Variants in DPP6 observed in about 807,000 individuals in gnomAD.
The protein encoded by DPP6 is A-type potassium channel modulatory protein DPP6.
In DPP6, 69 loss-of-function variants were observed where a neutral mutation model predicts 122.6. The observed-to-expected ratio is 0.56, with a 90% confidence interval of 0.46 to 0.69. The LOEUF (loss-of-function observed/expected upper bound fraction) is 0.69. Ranked by LOEUF, DPP6 falls within the 30% of genes least tolerant of loss-of-function variation. The pLI, the probability that DPP6 is intolerant of heterozygous loss-of-function variation, is 0.00. For synonymous variants in DPP6, 418 were observed against 433.1 expected, an observed-to-expected ratio of 0.97 and a Z score of 0.43; for missense variants, 928 against 1,116.9, an observed-to-expected ratio of 0.83 and a Z score of 2.41.
Position 154,892,661 on chromosome 7 carries a change from A to G in DPP6, c.*181A>G. On this transcript the variant is annotated 3_prime_UTR_variant, in exon 26 of 26. Transcript: ENST00000377770. ...GGAAACAAGCTCCTTCCCCGGGGTC[A>G]TCACTCACGGCCTCCATGGCACCAG... 1.6e-6 allele frequency: 2 copies of G among 1,276,992 alleles called. No individual in the cohort carries two copies. The highest frequency in any genetic ancestry group is 1.2e-5 in the South Asian group (1 of 80,324). 79.1% of individuals were successfully genotyped at this position (1,276,992 alleles called of 1,614,324 possible). A position where few individuals can be genotyped will look rare whatever the true frequency, so the allele number is the denominator to read the frequency against.
chr7:153,864,672 TACACACACAC>T, the DPP6 span, among the ~76,000 whole-genome samples: 10,604 of 135,180 alleles, frequency 0.078, 526 homozygotes, highest in East Asian at 0.25. Context: ...ATAATAATAA[TACACACACAC>T]ACACACACAC....
intron 1 of DPP6, among the ~76,000 whole-genome samples, chr7:154,313,712 T>TATATATATTATATATATATATATATACGC (rs1554515587): frequency 4.0e-5 from 1 of 24,914 alleles, no homozygotes; most frequent in South Asian, 2.4e-3. Context: ...TATATATATA[T>TATATATATTATATATATATATATATACGC]ATACACACAC....
chr7:154,529,986 C>T (rs889156255), intron 3 of DPP6, among the ~76,000 whole-genome samples: 8 of 152,016 alleles, frequency 5.3e-5, no homozygotes, highest in African/African-American at 9.6e-5. Flanking sequence ...ATTAGCTGGG[C>T]GTGGTGGCAC....
At chr7:154,564,686 T>G (rs181726071) in intron 4 of DPP6, among the ~76,000 whole-genome samples, 2 of 152,240 alleles carry the variant, frequency 1.3e-5, no homozygotes, top group African/African-American at 4.8e-5. Flanking sequence ...TAGAAATGCT[T>G]ATAATCTATC....
At chr7:154,295,921 T>C (rs1336281002) in intron 1 of DPP6, among the ~76,000 whole-genome samples, 1 of 151,002 alleles carries the variant, frequency 6.6e-6, no homozygotes, top group East Asian at 2.0e-4. Context: ...CTTATTGCTC[T>C]GTGTATGCAT....
intron 1 of DPP6, among the ~76,000 whole-genome samples, chr7:154,272,378 A>G (rs998575897): frequency 2.0e-5 from 3 of 152,226 alleles, no homozygotes; most frequent in East Asian, 1.9e-4. Flanking sequence ...ATTTAGTTTC[A>G]TAGACTTTAT....
intron 16 of DPP6, among the ~76,000 whole-genome samples, chr7:154,818,585 A>G (rs186604856): frequency 1.8e-4 from 27 of 152,364 alleles, no homozygotes; most frequent in African/African-American, 6.0e-4. Flanking sequence ...GTAGGGTGCT[A>G]TTGACTCCCA....
At chr7:153,977,195 A>AGG (rs763883101) in intron 1 of DPP6, among the ~76,000 whole-genome samples, 4 of 81,622 alleles carry the variant, frequency 4.9e-5, no homozygotes, top group South Asian at 7.0e-4. Context: ...AGGTACCAAT[A>AGG]GGGGTGTGTG....
chr7:154,648,365 T>TA (rs1344930631), intron 6 of DPP6, among the ~76,000 whole-genome samples: 1 of 152,080 alleles, frequency 6.6e-6, no homozygotes, highest in African/African-American at 2.4e-5. Flanking sequence ...CCTTGCTGTC[T>TA]AGTTTATTTT....
At chr7:154,498,106 C>T (rs1293502514) in intron 3 of DPP6, among the ~76,000 whole-genome samples, 1 of 152,198 alleles carries the variant, frequency 6.6e-6, no homozygotes, top group Non-Finnish European at 1.5e-5. Context: ...AGAAAAACAT[C>T]TGAACTGACA....
intron 6 of DPP6, among the ~76,000 whole-genome samples, chr7:154,655,233 G>A (rs1308846172): frequency 3.3e-5 from 5 of 152,158 alleles, no homozygotes; most frequent in Admixed American, 3.3e-4. Flanking sequence ...TGCTGTTGCT[G>A]TTATAAAGCT....
chr7:154,336,960 G>A (rs911322553), intron 1 of DPP6, among the ~76,000 whole-genome samples: 10 of 152,166 alleles, frequency 6.6e-5, no homozygotes, highest in East Asian at 1.9e-4. Context: ...GCCGAGACCC[G>A]GCAGGGACAA....
intron 1 of DPP6, among the ~76,000 whole-genome samples, chr7:154,394,503 A>ATG (rs1814909262): frequency 6.6e-6 from 1 of 151,732 alleles, no homozygotes; most frequent in African/African-American, 2.4e-5. Flanking sequence ...ATATATATAT[A>ATG]TGAATTGCAA....
the DPP6 span, among the ~76,000 whole-genome samples, chr7:153,792,172 CTT>C: frequency 6.6e-6 from 1 of 152,222 alleles, no homozygotes; most frequent in African/African-American, 2.4e-5. Context: ...ACTACAGTAA[CTT>C]TGTGAGATGT....
intron 1 of DPP6, among the ~76,000 whole-genome samples, chr7:154,414,616 C>T (rs182557680): frequency 2.0e-5 from 3 of 152,312 alleles, no homozygotes; most frequent in Non-Finnish European, 2.9e-5. Context: ...CTCAGAGCTG[C>T]GTTTTTATCT....
intron 1 of DPP6, among the ~76,000 whole-genome samples, chr7:153,964,758 G>A (rs927398636): frequency 1.1e-4 from 16 of 147,804 alleles, no homozygotes; most frequent in Non-Finnish European, 2.1e-4. Context: ...TGGCTCTGAT[G>A]CTCCACATTC....
chr7:153,919,080 C>A (rs1338641785), intron 1 of DPP6, among the ~76,000 whole-genome samples: 5 of 152,048 alleles, frequency 3.3e-5, no homozygotes, highest in Admixed American at 1.3e-4. Flanking sequence ...TGCTGTACCC[C>A]ATTCAAAACA....
intron 3 of DPP6, among the ~76,000 whole-genome samples, chr7:154,497,323 A>T (rs1824832853): frequency 6.6e-6 from 1 of 152,010 alleles, no homozygotes; most frequent in Non-Finnish European, 1.5e-5. Flanking sequence ...AAGAACTAGG[A>T]CAGGCTGGGC....
chr7:153,922,250 T>C (rs1003462277), intron 1 of DPP6, among the ~76,000 whole-genome samples: 1 of 152,178 alleles, frequency 6.6e-6, no homozygotes, highest in African/African-American at 2.4e-5. Flanking sequence ...CCTGTAATCC[T>C]AGCACTTTGG....
Sources: allele counts gnomAD v4.1 joint callset (sites outside exome capture counted in the v4.1 genomes callset), GRCh38; gene constraint gnomAD v4.1.1; transcripts MANE v1.5; gene names NCBI Gene and HGNC (gene_info 2026-07-23, HGNC 2026-07-21).